Variants in TCF20 observed in about 807,000 individuals in gnomAD.
The protein encoded by TCF20 is transcription factor 20.
TCF20 carries 3 observed loss-of-function variants against 148.6 expected under a neutral mutation model. The ratio of observed to expected loss-of-function variants is 0.02; its 90% confidence interval spans 0.01 to 0.05. The LOEUF (loss-of-function observed/expected upper bound fraction) is 0.05. TCF20 is among the 10% of genes least tolerant of loss of function. TCF20 has a pLI of 1.00. For synonymous variants in TCF20, 1,049 were observed against 909.5 expected (o/e 1.15, Z -2.76); for missense variants, 2,350 against 2,429.3 (o/e 0.97, Z 0.69).
At chr22:42,283,745 G>A (rs992478425) in intron 1 of TCF20, among the ~76,000 whole-genome samples, 12 of 151,736 alleles carry the variant, frequency 7.9e-5, no homozygotes, top group Admixed American at 2.6e-4. Flanking sequence ...GCAGCGCGGC[G>A]CGGCGGAGCA....
At chr22:42,220,189 A>C (rs1922227099) in intron 1 of TCF20, among the ~76,000 whole-genome samples, 1 of 152,022 alleles carries the variant, frequency 6.6e-6, no homozygotes, top group Non-Finnish European at 1.5e-5. Context: ...CTTTTTTGGA[A>C]AGAGAGTCTC....
intron 3 of TCF20, among the ~76,000 whole-genome samples, chr22:42,177,220 G>C (rs559721546): frequency 4.6e-5 from 7 of 152,114 alleles, no homozygotes; most frequent in Non-Finnish European, 8.8e-5. Context: ...TTTGAAACCA[G>C]CCTGGCCAAC....
intron 1 of TCF20, among the ~76,000 whole-genome samples, chr22:42,301,196 C>T (rs1039237235): frequency 2.0e-5 from 3 of 151,878 alleles, no homozygotes; most frequent in African/African-American, 4.8e-5. Context: ...ACTAGGGAGC[C>T]GTTGGAGGTG....
intron 1 of TCF20, among the ~76,000 whole-genome samples, chr22:42,232,566 G>A (rs764421431): frequency 4.6e-5 from 7 of 152,074 alleles, no homozygotes; most frequent in Non-Finnish European, 8.8e-5. Flanking sequence ...AGTGGCTCAC[G>A]CCCGTAATCC....
chr22:42,218,479 A>G (rs1053858341), intron 1 of TCF20, among the ~76,000 whole-genome samples: 2 of 152,082 alleles, frequency 1.3e-5, no homozygotes, highest in Non-Finnish European at 2.9e-5. Flanking sequence ...CTCCTGCTCT[A>G]CTCCTCAGTG....
At chr22:42,203,016 T>G (rs907839482) in intron 2 of TCF20, among the ~76,000 whole-genome samples, 2 of 152,248 alleles carry the variant, frequency 1.3e-5, no homozygotes, top group African/African-American at 4.8e-5. Context: ...CTATTTGCTG[T>G]TAGCTCTTTT....
chr22:42,275,861 A>G (rs1236647980), intron 1 of TCF20, among the ~76,000 whole-genome samples: 1 of 152,218 alleles, frequency 6.6e-6, no homozygotes, highest in Non-Finnish European at 1.5e-5. Context: ...GCATGCTCTA[A>G]GCGCTTTTCC....
At chr22:42,266,833 T>C (rs940300209) in intron 1 of TCF20, among the ~76,000 whole-genome samples, 2 of 152,148 alleles carry the variant, frequency 1.3e-5, no homozygotes, top group African/African-American at 4.8e-5. Flanking sequence ...CTAAAAGCCA[T>C]GTCTCCCGAT....
chr22:42,327,953 A>G lies in TCF20; in HGVS notation c.-37+15526T>C, dbSNP rs539058677. ...CTTGCACACTGTTTCCTGCTTACTCATTTAATTCCTACCTCCTTCCCATCA... is the reference window on the plus strand; with the variant it reads ...CTTGCACACTGTTTCCTGCTTACTCGTTTAATTCCTACCTCCTTCCCATCA... On this transcript the variant is annotated intron_variant, in intron 1 of 1. Coordinates refer to the TCF20 transcript ENST00000515426. Among the ~76,000 whole-genome samples, 33 of 151,866 alleles carry G rather than the reference A, an allele frequency of 2.2e-4. 2 individuals carry two copies. In the South Asian group the frequency reaches 6.5e-3, roughly 30 times the overall value.
At chr22:42,306,093 A>AGGCAGCGTGGACTGAGT (rs1927427096) in intron 1 of TCF20, among the ~76,000 whole-genome samples, 1 of 152,234 alleles carries the variant, frequency 6.6e-6, no homozygotes, top group Non-Finnish European at 1.5e-5. Context: ...GGGGCACCGC[A>AGGCAGCGTGGACTGAGT]GGCAGCGTGG....
chr22:42,213,610 T>C lies in TCF20; in HGVS notation c.1696A>G (p.Asn566Asp). The C allele has an allele frequency of 6.2e-7, 1 of 1,614,100 alleles. No homozygotes were observed. Among genetic ancestry groups the C allele is most frequent in the Non-Finnish European group, 8.5e-7 (1 of 1,180,038 alleles). Residue 566 changes from asparagine to aspartate, a missense_variant, in exon 2 of 6, where the codon AAT becomes GAT. Around this residue, in one of 7 missense-constraint regions of TCF20, gnomAD observed 1,641 missense variants for 1,662.6 expected, o/e 0.99. Transcript: ENST00000677622. ...AGSSPAQGAQNEPPRLNASPA... is the reference protein window; with the variant it reads ...AGSSPAQGAQDEPPRLNASPA... ...CTAGCATTGAGTCTGGGGGGTTCAT[T>C]CTGAGCACCTTGTGCCGGTGAGGAG...
intron 1 of TCF20, among the ~76,000 whole-genome samples, chr22:42,265,760 G>A (rs952440864): frequency 6.6e-6 from 1 of 152,152 alleles, no homozygotes; most frequent in African/African-American, 2.4e-5. Flanking sequence ...CCACCCAGTC[G>A]AACTGAGTGA....
rs1025613922 is a variant in TCF20 at position 42,212,397 on chromosome 22, G to A, written c.2909C>T (p.Ala970Val). The change falls in exon 2 of 6, where the codon GCA becomes GTA. Residue 970 changes from alanine to valine, a missense_variant. Ala to Val is a moderately conservative substitution (Grantham distance 64, BLOSUM62 0). Transcript: ENST00000677622. ...ATAGTCTGAAAGGGAATCATGGGTTGCTGCTCCAGGGCTGGCATTGCCGCG... is the reference window on the plus strand; with the variant it reads ...ATAGTCTGAAAGGGAATCATGGGTTACTGCTCCAGGGCTGGCATTGCCGCG... Reference protein sequence around the residue: ...SYRGNASPGAATHDSLSDYGP... With the variant: ...SYRGNASPGAVTHDSLSDYGP... The A allele has an allele frequency of 6.2e-7, 1 of 1,614,266 alleles. No individual in the cohort carries two copies. Among genetic ancestry groups the A allele is most frequent in the Non-Finnish European group, 8.5e-7 (1 of 1,180,054 alleles).
At chr22:42,218,974 A>G (rs956954549) in intron 1 of TCF20, among the ~76,000 whole-genome samples, 1 of 152,178 alleles carries the variant, frequency 6.6e-6, no homozygotes, top group African/African-American at 2.4e-5. Context: ...TACATGAAGC[A>G]CCTGAGTAGG....
chr22:42,194,285 T>C (rs1289685822), intron 2 of TCF20, among the ~76,000 whole-genome samples: 1 of 152,168 alleles, frequency 6.6e-6, no homozygotes, highest in Non-Finnish European at 1.5e-5. Context: ...ATGAGGTAGG[T>C]CTGAGAGAAC....
At position 42,339,855 on chromosome 22, in the gene TCF20, C is replaced by T. The variant is rs956596610; in HGVS notation, c.-37+3624G>A. ...CCTGATGCGCAGACTCAGGCCAGAA[C>T]CTCAGGTATCCGGTGGGGCCCATCT... On this transcript the variant is annotated intron_variant, in intron 1 of 1. Coordinates refer to the TCF20 transcript ENST00000515426. Among the ~76,000 whole-genome samples the T allele has an allele frequency of 5.3e-5, 8 of 152,332 alleles. No homozygotes were observed. In the South Asian group the frequency reaches 1.2e-3, roughly 24 times the overall value.
At chr22:42,208,538 G>A (rs1938543108) in intron 2 of TCF20, among the ~76,000 whole-genome samples, 1 of 152,110 alleles carries the variant, frequency 6.6e-6, no homozygotes, top group Non-Finnish European at 1.5e-5. Context: ...CAGAGTTCGA[G>A]AATGCAGTAA....
intron 1 of TCF20, among the ~76,000 whole-genome samples, chr22:42,282,084 A>T (rs1008503261): frequency 1.3e-5 from 2 of 152,202 alleles, no homozygotes; most frequent in African/African-American, 4.8e-5. Flanking sequence ...AGAAGACTTG[A>T]CCAGAAAAGA....
At chr22:42,161,972 C>CTTTTTTTTTTTTTTTTTTTTTTTT (rs3045573) in intron 5 of TCF20, among the ~76,000 whole-genome samples, 2 of 75,026 alleles carry the variant, frequency 2.7e-5, no homozygotes, top group African/African-American at 1.3e-4. Context: ...TAATGACAGT[C>CTTTTTTTTTTTTTTTTTTTTTTTT]TTTTTTTTTT....
Sources: allele counts gnomAD v4.1 joint callset (sites outside exome capture counted in the v4.1 genomes callset), GRCh38; gene constraint gnomAD v4.1.1; regional missense constraint gnomAD v4.1.1; transcripts MANE v1.5; gene names NCBI Gene and HGNC (gene_info 2026-07-23, HGNC 2026-07-21).